The following SUSD4 variants were observed in gnomAD, a reference collection of about 807,000 sequenced individuals.
The protein encoded by SUSD4 is sushi domain containing 4, also known as sushi domain-containing protein 4.
A neutral mutation model predicts 50.5 loss-of-function variants in SUSD4; 41 were observed. The observed-to-expected ratio is 0.81, with a 90% confidence interval of 0.63 to 1.05. The LOEUF (loss-of-function observed/expected upper bound fraction) is 1.05. Ranked by LOEUF, SUSD4 falls within the 50% of genes least tolerant of loss-of-function variation. SUSD4 has a pLI of 0.00. For synonymous variants in SUSD4, 257 were observed against 257.3 expected, an observed-to-expected ratio of 1.00 and a Z score of 0.01; for missense variants, 580 against 634.7, an observed-to-expected ratio of 0.91 and a Z score of 0.93.
chr1:223,264,737 A>T lies in SUSD4; in HGVS notation c.617T>A (p.Ile206Asn), dbSNP rs1662366203. 1.9e-6 allele frequency: 3 copies of T among 1,614,238 alleles called. No homozygotes were observed. Among genetic ancestry groups the T allele is most frequent in the Non-Finnish European group, 2.5e-6 (3 of 1,180,038 alleles). Residue 206 changes from isoleucine to asparagine, a missense_variant, in exon 5 of 9, where the codon ATC (isoleucine) becomes AAC (asparagine). Ile to Asn is a moderately radical substitution (Grantham distance 149). Transcript: ENST00000366878. ...LQTSFPVGTV[I>N]SYRCFPGFKL... ...AAATCCGGGAAAGCAGCGATAGGAG[A>T]TCACAGTCCCCACCGGGAAGGAGGT...
At chr1:223,232,140 G>A (rs1357339842) in intron 5 of SUSD4, among the ~76,000 whole-genome samples, 1 of 152,184 alleles carries the variant, frequency 6.6e-6, no homozygotes, top group African/African-American at 2.4e-5. Flanking sequence ...AAACCAGGGA[G>A]CAGAACAGTG....
Position 223,350,035 on chromosome 1 carries a change from G to A in SUSD4, c.148+13243C>T, listed in dbSNP as rs183318442. Among the ~76,000 whole-genome samples the A allele has an allele frequency of 6.0e-4, 91 of 152,276 alleles. 1 individual carries two copies. Among genetic ancestry groups the A allele is most frequent in the African/African-American group, 2.0e-3 (84 of 41,550 alleles). On this transcript the variant is annotated intron_variant, in intron 2 of 8. Transcript: ENST00000366878. ...ACCCCTGCACCCACACCAAGGAAAG[G>A]CCATGTGAGAACACAGCAAGAAGGC...
chr1:223,336,347 A>C (rs187277587), intron 2 of SUSD4, among the ~76,000 whole-genome samples: 169 of 152,358 alleles, frequency 1.1e-3, no homozygotes, highest in African/African-American at 4.0e-3. Context: ...GTCATTCCCC[A>C]TATTAAGAAA....
intron 2 of SUSD4, among the ~76,000 whole-genome samples, chr1:223,317,658 T>C (rs768284282): frequency 2.0e-5 from 3 of 152,124 alleles, no homozygotes; most frequent in Non-Finnish European, 4.4e-5. Context: ...GAAACTTGGG[T>C]AAATGGTCTT....
Position 223,227,498 on chromosome 1 carries a change from G to T in SUSD4, c.1061+96C>A. The T allele has an allele frequency of 6.7e-7, 1 of 1,488,768 alleles. No homozygotes were observed. The highest frequency in any genetic ancestry group is 9.1e-7 in the Non-Finnish European group (1 of 1,098,724). The allele number at this position is 1,488,768 out of a possible 1,614,324, so 92.2% of individuals were successfully genotyped here. A position where few individuals can be genotyped will look rare whatever the true frequency, so the allele number is the denominator to read the frequency against. The stretch of plus-strand genomic sequence containing the variant: ...TTGCTCTCCCCTGTTTCCCTTTAGA[G>T]CTTCAACTTTTCACTCATCACTTTC... On this transcript the variant is annotated intron_variant, in intron 7 of 8. Coordinates refer to ENST00000366878, the MANE Select transcript of SUSD4 (RefSeq NM_017982.4). The surrounding 1 kb of genome is among the most constrained non-coding windows in gnomAD (Gnocchi z 4.5).
intron 4 of SUSD4, among the ~76,000 whole-genome samples, chr1:223,267,725 C>T (rs79125351): frequency 0.014 from 2,124 of 152,138 alleles, 48 homozygotes; most frequent in African/African-American, 0.049. Flanking sequence ...TTTCCAAGCA[C>T]AAAGTTAACA....
intron 5 of SUSD4, among the ~76,000 whole-genome samples, chr1:223,238,514 T>G (rs1442570989): frequency 6.6e-6 from 1 of 151,998 alleles, no homozygotes; most frequent in African/African-American, 2.4e-5. Flanking sequence ...CTGCTTTCAC[T>G]GCACCCCACA....
At chr1:223,286,381 C>T (rs1664141260) in intron 3 of SUSD4, among the ~76,000 whole-genome samples, 1 of 152,158 alleles carries the variant, frequency 6.6e-6, no homozygotes, top group African/African-American at 2.4e-5. Flanking sequence ...TCCCAAAGTG[C>T]TGGGATTATA....
At position 223,363,479 on chromosome 1, in the gene SUSD4, C is replaced by T. The variant is rs1437447446; in HGVS notation, c.-35-19G>A. 2 of 1,479,150 alleles carry T rather than the reference C, an allele frequency of 1.4e-6. No homozygotes were observed. The highest frequency in any genetic ancestry group is 4.2e-5 in the Admixed American group (2 of 47,862). The allele number at this position is 1,479,150 out of a possible 1,614,324, so 91.6% of individuals were successfully genotyped here. A position where few individuals can be genotyped will look rare whatever the true frequency, so the allele number is the denominator to read the frequency against. On this transcript the variant is annotated intron_variant, in intron 1 of 8. Transcript: ENST00000366878. ...CAAGAGTCTGCAACCAGAAGCGGAA[C>T]ACCACAATAAGCCAGTCTGTCCGGG...
At chr1:223,349,140 A>G (rs1247935111) in intron 2 of SUSD4, among the ~76,000 whole-genome samples, 1 of 152,242 alleles carries the variant, frequency 6.6e-6, no homozygotes, top group African/African-American at 2.4e-5. Context: ...ACCTGGACTC[A>G]CGAATCATTC....
At chr1:223,356,964 C>G (rs890823578) in intron 2 of SUSD4, among the ~76,000 whole-genome samples, 1 of 152,202 alleles carries the variant, frequency 6.6e-6, no homozygotes, top group Admixed American at 6.5e-5. Context: ...AAGAACCACT[C>G]TTAGGAAGGC....
intron 4 of SUSD4, among the ~76,000 whole-genome samples, chr1:223,265,889 C>G (rs1439637351): frequency 5.3e-5 from 8 of 152,248 alleles, no homozygotes; most frequent in South Asian, 2.1e-4. Flanking sequence ...CCCACTTTCC[C>G]TTCCAAGTCA....
chr1:223,276,914 A>G (rs1558206426), intron 3 of SUSD4, among the ~76,000 whole-genome samples: 1 of 152,254 alleles, frequency 6.6e-6, no homozygotes, highest in Non-Finnish European at 1.5e-5. Context: ...TGAGAAAAAA[A>G]AAATCCCAAA....
intron 2 of SUSD4, among the ~76,000 whole-genome samples, chr1:223,317,851 CTTTTTTT>C (rs1172641015): frequency 9.9e-6 from 1 of 100,734 alleles, no homozygotes; most frequent in East Asian, 2.9e-4. Context: ...TTTTTTTTTT[CTTTTTTT>C]TTTTTTTTTT....
intron 5 of SUSD4, chr1:223,235,208 T>A: frequency 8.1e-7 from 1 of 1,236,128 alleles, no homozygotes; most frequent in Non-Finnish European, 1.1e-6. Flanking sequence ...ACTTTATTTT[T>A]AAGAGCAGTT....
Position 223,223,299 on chromosome 1 carries a change from C to T in SUSD4, c.1394G>A (p.Ser465Asn). The change falls in exon 8 of 9, where the codon AGC becomes AAC. Residue 465 changes from serine (S) to asparagine (N), a missense_variant. Coordinates refer to ENST00000366878, the MANE Select transcript of SUSD4 (RefSeq NM_017982.4). ...GGTGGATGCCACCTCCTCTGCCGTG[C>T]TGGCAATTATGTCAGGGTTGTCCGA... ...PASDNPDIIA[S>N]TAEEVASTSP... 1 of 1,587,642 alleles carries T rather than the reference C, an allele frequency of 6.3e-7. No individual in the cohort carries two copies. Among genetic ancestry groups the T allele is most frequent in the Non-Finnish European group, 8.6e-7 (1 of 1,168,506 alleles).
chr1:223,266,355 T>A (rs995844149), intron 4 of SUSD4, among the ~76,000 whole-genome samples: 7 of 152,154 alleles, frequency 4.6e-5, no homozygotes, highest in African/African-American at 1.7e-4. Flanking sequence ...GGATCAGGAA[T>A]AAACAGACTC....
Position 223,229,099 on chromosome 1 carries a change from GGGA to G in SUSD4, c.916+95_916+97del. The G allele has an allele frequency of 8.1e-7, 1 of 1,233,976 alleles. No homozygotes were observed. Among genetic ancestry groups the G allele is most frequent in the Non-Finnish European group, 1.1e-6 (1 of 881,758 alleles). The allele number at this position is 1,233,976 out of a possible 1,614,324, so 76.4% of individuals were successfully genotyped here. Reference sequence around the variant, plus strand: ...ATATCCTGTTCCTGACACTGGGTGGGGGAGGAGAGATACAGCTTGGTACATAAC... The same window carrying G: ...ATATCCTGTTCCTGACACTGGGTGGGGGAGAGATACAGCTTGGTACATAAC... On this transcript the variant is annotated intron_variant, in intron 6 of 8. Coordinates refer to ENST00000366878, the MANE Select transcript of SUSD4 (RefSeq NM_017982.4). This position sits in a 1 kb window ranked among gnomAD's most constrained non-coding sequence, Gnocchi z 4.7.
intron 5 of SUSD4, among the ~76,000 whole-genome samples, chr1:223,251,337 G>A (rs1471762331): frequency 6.6e-6 from 1 of 152,136 alleles, no homozygotes; most frequent in East Asian, 1.9e-4. Flanking sequence ...CCAGACATGG[G>A]AGGAAATACC....
Sources: allele counts gnomAD v4.1 joint callset (sites outside exome capture counted in the v4.1 genomes callset), GRCh38; gene constraint gnomAD v4.1.1; non-coding constraint Gnocchi (gnomAD v3.1); transcripts MANE v1.5; gene names NCBI Gene and HGNC (gene_info 2026-07-23, HGNC 2026-07-21).